PAPPA2: variants seen among roughly 807,000 people sequenced by gnomAD.
PAPPA2 encodes the protein pappalysin-2.
Under a neutral mutation model 176.4 loss-of-function variants are expected in PAPPA2, and 86 were observed. That is an observed-to-expected ratio of 0.49 (90% CI 0.41 to 0.58). The LOEUF (loss-of-function observed/expected upper bound fraction) is 0.58. Ranked by LOEUF, PAPPA2 falls within the 20% of genes least tolerant of loss-of-function variation. The probability of loss-of-function intolerance (pLI) is 0.00; values close to 1 mark genes in which losing one functional copy is unlikely to be tolerated. For missense variants in PAPPA2, 2,073 were observed against 2,256.9 expected, an observed-to-expected ratio of 0.92 and a Z score of 1.65; for synonymous variants, 809 against 852.2, an observed-to-expected ratio of 0.95 and a Z score of 0.88.
At chr1:176,482,514 A>T (rs1652453562) in intron 1 of PAPPA2, among the ~76,000 whole-genome samples, 1 of 152,222 alleles carries the variant, frequency 6.6e-6, no homozygotes, top group Admixed American at 6.5e-5. Context: ...TCCAACGGGC[A>T]TGAACAGGAA....
At position 176,845,350 on chromosome 1, in the gene PAPPA2, A is replaced by G. The variant is rs1265753629; in HGVS notation, c.*2896A>G. On this transcript the variant is annotated 3_prime_UTR_variant, in exon 23 of 23. Coordinates refer to ENST00000367662, the MANE Select transcript of PAPPA2 (RefSeq NM_020318.3). ...ATGGGCAGATACTGACAGAAATTAA[A>G]GTAAAGGGATTGTGAAAGTAAAGAG... 1 of 152,222 alleles carries G rather than the reference A, an allele frequency of 6.6e-6. No homozygotes were observed. The highest frequency in any genetic ancestry group is 1.5e-5 in the Non-Finnish European group (1 of 68,040). The allele number at this position is 152,222 out of a possible 1,614,324, so 9.4% of individuals were successfully genotyped here. A position where few individuals can be genotyped will look rare whatever the true frequency, so the allele number is the denominator to read the frequency against.
At chr1:176,699,011 A>T in intron 7 of PAPPA2, 89 bp from the exon 8 acceptor site, 1 of 1,454,104 alleles carries the variant, frequency 6.9e-7, no homozygotes, top group Non-Finnish European at 9.3e-7. Context: ...AGTTCTCTCC[A>T]TAGTTCCTCT....
chr1:176,533,251 G>T (rs1319318207), intron 1 of PAPPA2, among the ~76,000 whole-genome samples: 1 of 152,228 alleles, frequency 6.6e-6, no homozygotes, highest in Non-Finnish European at 1.5e-5. Context: ...TGAGTCAAAT[G>T]CTAAGAATTT....
chr1:176,680,386 A>C (rs772750749), intron 4 of PAPPA2, among the ~76,000 whole-genome samples: 1 of 151,850 alleles, frequency 6.6e-6, no homozygotes, highest in Non-Finnish European at 1.5e-5. Context: ...TAACATATAC[A>C]TATATTTTTT....
intron 1 of PAPPA2, among the ~76,000 whole-genome samples, chr1:176,513,684 G>C (rs1208589241): frequency 6.6e-6 from 1 of 152,158 alleles, no homozygotes; most frequent in Non-Finnish European, 1.5e-5. Flanking sequence ...TAAAATGAGA[G>C]AGTTGAATTC....
chr1:176,735,806 T>C (rs1408660535), intron 12 of PAPPA2, among the ~76,000 whole-genome samples: 1 of 152,044 alleles, frequency 6.6e-6, no homozygotes, highest in Non-Finnish European at 1.5e-5. Flanking sequence ...TGTTTCAAAA[T>C]ATTTTGTAAT....
At chr1:176,529,083 G>C (rs183271175) in intron 1 of PAPPA2, among the ~76,000 whole-genome samples, 1 of 152,256 alleles carries the variant, frequency 6.6e-6, no homozygotes, top group African/African-American at 2.4e-5. Context: ...AATCTGCACA[G>C]AATAGACACT....
At chr1:176,667,550 G>A (rs1658737958) in intron 3 of PAPPA2, among the ~76,000 whole-genome samples, 1 of 152,128 alleles carries the variant, frequency 6.6e-6, no homozygotes, top group South Asian at 2.1e-4. Context: ...GGGCCCACAA[G>A]TCCCAAGGTG....
intron 3 of PAPPA2, among the ~76,000 whole-genome samples, chr1:176,635,025 A>G (rs1490799386): frequency 6.6e-6 from 1 of 151,668 alleles, no homozygotes. Flanking sequence ...ATGCACAGCA[A>G]AGCAAAGGAC....
Position 176,523,713 on chromosome 1 carries a change from C to T in PAPPA2, c.-916-31694C>T, listed in dbSNP as rs1265515382. Among the ~76,000 whole-genome samples the T allele has an allele frequency of 2.0e-5, 3 of 152,104 alleles. No individual in the cohort carries two copies. The East Asian group carries it at 5.8e-4, about 29-fold the overall frequency. On this transcript the variant is annotated intron_variant, in intron 1 of 22. Transcript: ENST00000367662. ...TCAAATATGAATAAGACATGGGGCT[C>T]CTTGTTAAAAGAGCTTATGATTCAG...
chr1:176,761,602 G>T (rs1170310712), intron 14 of PAPPA2, among the ~76,000 whole-genome samples: 2 of 152,158 alleles, frequency 1.3e-5, no homozygotes, highest in African/African-American at 4.8e-5. Flanking sequence ...CTGCTGAGGA[G>T]CTCCTTGGCT....
At chr1:176,465,212 C>T (rs1651560804) in intron 1 of PAPPA2, among the ~76,000 whole-genome samples, 1 of 152,158 alleles carries the variant, frequency 6.6e-6, no homozygotes, top group African/African-American at 2.4e-5. Flanking sequence ...GGATGAGCAT[C>T]CCTATATATA....
chr1:176,743,202 G>C (rs957282764), intron 14 of PAPPA2, among the ~76,000 whole-genome samples: 2 of 152,100 alleles, frequency 1.3e-5, no homozygotes, highest in African/African-American at 4.8e-5. Flanking sequence ...AACATAATTG[G>C]AAATCAAAGC....
At chr1:176,821,120 A>T (rs1310231914) in intron 21 of PAPPA2, among the ~76,000 whole-genome samples, 3 of 152,212 alleles carry the variant, frequency 2.0e-5, no homozygotes, top group African/African-American at 7.2e-5. Flanking sequence ...CTTCAGGTCC[A>T]TTTATGTATT....
intron 2 of PAPPA2, among the ~76,000 whole-genome samples, chr1:176,577,308 T>A (rs1318526082): frequency 6.6e-6 from 1 of 152,144 alleles, no homozygotes; most frequent in Non-Finnish European, 1.5e-5. Context: ...TTCATTGACT[T>A]CCACCCTGCA....
intron 4 of PAPPA2, among the ~76,000 whole-genome samples, chr1:176,682,393 T>G (rs1659626666): frequency 6.6e-6 from 1 of 152,208 alleles, no homozygotes; most frequent in South Asian, 2.1e-4. Context: ...ATGGTTACAG[T>G]CTACAACCTG....
At chr1:176,597,115 A>C (rs1654027296) in intron 3 of PAPPA2, among the ~76,000 whole-genome samples, 1 of 152,182 alleles carries the variant, frequency 6.6e-6, no homozygotes, top group African/African-American at 2.4e-5. Flanking sequence ...TACTTCAAGC[A>C]TGTGGTATCA....
rs1347960018 is a variant in PAPPA2 at position 176,692,109 on chromosome 1, C to CT, written c.2432-11dup. On this transcript the variant is annotated splice_polypyrimidine_tract_variant and intron_variant, in intron 5 of 22. Coordinates refer to ENST00000367662, the MANE Select transcript of PAPPA2 (RefSeq NM_020318.3). Reference sequence around the variant, plus strand: ...TTAAAATCTCCATCTCTTGTGCCACCTTTTTTGTCTCCACAGATGATAACT... The same window carrying CT: ...TTAAAATCTCCATCTCTTGTGCCACCTTTTTTTGTCTCCACAGATGATAACT... The CT allele has an allele frequency of 6.3e-7, 1 of 1,596,368 alleles. No individual in the cohort carries two copies. Among genetic ancestry groups the CT allele is most frequent in the Non-Finnish European group, 8.6e-7 (1 of 1,167,116 alleles).
At chr1:176,497,320 G>T (rs1367066126) in intron 1 of PAPPA2, among the ~76,000 whole-genome samples, 1 of 152,062 alleles carries the variant, frequency 6.6e-6, no homozygotes, top group African/African-American at 2.4e-5. Context: ...CCTTAGTGAT[G>T]GTCAGCAGCT....
Sources: gnomAD v4.1 joint callset for allele counts (sites outside exome capture counted in the v4.1 genomes callset) on GRCh38, gnomAD v4.1.1 for gene constraint, MANE v1.5 for transcripts, NCBI Gene and HGNC (gene_info 2026-07-23, HGNC 2026-07-21) for gene names.